Variants in SRGAP2 observed in about 807,000 individuals in gnomAD.
The protein encoded by SRGAP2 is SLIT-ROBO Rho GTPase-activating protein 2.
Under a neutral mutation model 57.2 loss-of-function variants are expected in SRGAP2, and 15 were observed. The observed-to-expected ratio is 0.26, with a 90% CI of 0.18 to 0.40. The LOEUF (loss-of-function observed/expected upper bound fraction) is 0.40, where lower values mean the gene tolerates loss of function less well. Among genes scored for constraint, SRGAP2 ranks in the 10% least tolerant of loss-of-function variants. SRGAP2 has a pLI of 1.00. For synonymous variants in SRGAP2, 249 were observed against 248.0 expected, an observed-to-expected ratio of 1.00 and a Z score of -0.04; for missense variants, 520 against 669.6, an observed-to-expected ratio of 0.78 and a Z score of 2.47.
chr1:206,451,875 C>T (rs904402663), intron 19 of SRGAP2, among the ~76,000 whole-genome samples: 3 of 152,194 alleles, frequency 2.0e-5, no homozygotes, highest in East Asian at 1.9e-4. Context: ...TGACCAGCCT[C>T]CTATAGTGAA....
intron 2 of SRGAP2, among the ~76,000 whole-genome samples, chr1:206,247,135 C>T (rs1327765169): frequency 6.8e-6 from 1 of 146,368 alleles, no homozygotes; most frequent in Admixed American, 6.8e-5. Context: ...CCTATACTTC[C>T]ACCTATAGAG....
rs1571660311 is a variant in SRGAP2 at position 206,244,205 on chromosome 1, A to G, written c.67+38168A>G. 2.2e-5 allele frequency among the ~76,000 whole-genome samples: 2 copies of G among 91,046 alleles called. 1 individual carries two copies. The highest frequency in any genetic ancestry group is 9.7e-4 in the East Asian group (2 of 2,052). The allele number at this position is 91,046 out of a possible 152,430, so 59.7% of individuals were successfully genotyped here. A position where few individuals can be genotyped will look rare whatever the true frequency, so the allele number is the denominator to read the frequency against. ...AACTTTCTTGACTTAGTATAGTATT[A>G]TACATCCAGCCCTTACCCTAAATGC... is the stretch of plus-strand genomic sequence containing the variant. On this transcript the variant is annotated intron_variant, in intron 2 of 22. Transcript: ENST00000573034.
intron 3 of SRGAP2, among the ~76,000 whole-genome samples, chr1:206,317,805 CTT>C (rs1315227858): frequency 2.8e-5 from 4 of 145,450 alleles, no homozygotes; most frequent in African/African-American, 1.1e-4. Flanking sequence ...CTAGCTCCTC[CTT>C]TTATACATCT....
rs77065730 is a variant in SRGAP2, at chr1:206,435,485, G to C, written c.1556-1480G>C. ...GAGATGCTAGTCCAGTCCAACCCCT[G>C]GGGCTGGCACTGATGACACACTTGC... On this transcript the variant is annotated intron_variant, in intron 14 of 22. Coordinates refer to ENST00000573034, the MANE Select transcript of SRGAP2 (RefSeq NM_015326.5). 9.9e-3 allele frequency among the ~76,000 whole-genome samples: 1,511 copies of C among 152,278 alleles called. 33 individuals are homozygous for C. Among genetic ancestry groups the C allele is most frequent in the African/African-American group, 0.035 (1,444 of 41,540 alleles).
intron 10 of SRGAP2, among the ~76,000 whole-genome samples, chr1:206,415,177 G>A (rs1659578781): frequency 6.6e-6 from 1 of 152,196 alleles, no homozygotes; most frequent in Admixed American, 6.5e-5. Flanking sequence ...CTCTCACTGG[G>A]CAGACGAGGG....
In SRGAP2 at chr1:206,417,515, TA is replaced by T. The variant is rs200733619; in HGVS notation, c.1441+1545del. Among the ~76,000 whole-genome samples, 4 of 151,554 alleles carry T rather than the reference TA, an allele frequency of 2.6e-5. No individual in the cohort carries two copies. In the East Asian group the frequency reaches 7.7e-4, roughly 29 times the overall value. On this transcript the variant is annotated intron_variant, in intron 11 of 22. Transcript: ENST00000573034. ...TTATTGCAAACTCCACCTCCCAGGT[TA>T]AAGCAATTCTACCACCTCAGCCTCC...
intron 21 of SRGAP2, among the ~76,000 whole-genome samples, chr1:206,458,092 C>G (rs943151015): frequency 6.6e-6 from 1 of 152,194 alleles, no homozygotes; most frequent in Non-Finnish European, 1.5e-5. Flanking sequence ...AGTGTTGCTG[C>G]CTCTTGAAAA....
chr1:206,270,655 T>C (rs1571730454), intron 2 of SRGAP2, among the ~76,000 whole-genome samples: 1 of 143,772 alleles, frequency 7.0e-6, no homozygotes, highest in South Asian at 2.2e-4. Context: ...ATGCAGCTGG[T>C]AGAAAGAAGG....
intron 15 of SRGAP2, chr1:206,437,650 T>A (rs1312203932): frequency 1.8e-5 from 5 of 270,844 alleles, no homozygotes; most frequent in Non-Finnish European, 2.8e-5. Flanking sequence ...AGTCCCAGCC[T>A]GGTTTCATGA....
At chr1:206,353,418 G>A (rs1158825672) in intron 4 of SRGAP2, among the ~76,000 whole-genome samples, 3 of 151,942 alleles carry the variant, frequency 2.0e-5, no homozygotes, top group Non-Finnish European at 2.9e-5. Flanking sequence ...AGGCCAAGGT[G>A]GGTGGATCAC....
rs1553370633 is a variant in SRGAP2 at position 206,438,003 on chromosome 1, T to C, written c.1673T>C (p.Met558Thr). Reference protein sequence around the residue: ...PLAGDQNDHDMDSIAGVLKLY... With the variant: ...PLAGDQNDHDTDSIAGVLKLY... Reference sequence around the variant, plus strand: ...GCTGGGGACCAGAACGACCATGACATGGATTCCATAGCTGGTGTCCTGAAG... The same window carrying C: ...GCTGGGGACCAGAACGACCATGACACGGATTCCATAGCTGGTGTCCTGAAG... Residue 558 changes from methionine to threonine, a missense_variant, in exon 16 of 23, where the codon ATG becomes ACG. This residue lies in a region of SRGAP2 where 478 missense variants were observed against 373.6 expected (regional missense o/e 1.28). Coordinates refer to ENST00000573034, the MANE Select transcript of SRGAP2 (RefSeq NM_015326.5). The C allele has an allele frequency of 5.1e-6, 4 of 780,894 alleles. No individual in the cohort carries two copies. The highest frequency in any genetic ancestry group is 2.4e-5 in the East Asian group (1 of 41,260). 48.4% of individuals were successfully genotyped at this position (780,894 alleles called of 1,614,324 possible). A position where few individuals can be genotyped will look rare whatever the true frequency, so the allele number is the denominator to read the frequency against.
chr1:206,463,445 A>G lies in SRGAP2; in HGVS notation c.*2025A>G, dbSNP rs1385425984. 1 of 152,610 alleles carries G rather than the reference A, an allele frequency of 6.6e-6. No individual in the cohort carries two copies. 9.5% of individuals were successfully genotyped at this position (152,610 alleles called of 1,614,324 possible). ...AATGAAACCCTATCTTTCACTTTAC[A>G]TTCCTTTCAATCCAACTGATCAAAA... On this transcript the variant is annotated 3_prime_UTR_variant, in exon 23 of 23. Coordinates refer to ENST00000573034, the MANE Select transcript of SRGAP2 (RefSeq NM_015326.5).
chr1:206,419,246 C>T (rs1160730367), intron 11 of SRGAP2, 127 bp from the exon 12 acceptor site: 3 of 683,520 alleles, frequency 4.4e-6, no homozygotes, highest in Admixed American at 2.1e-5. Context: ...TCTCTCCTCT[C>T]TTTTGCCACA....
At chr1:206,278,823 G>A (rs1159774542) in intron 2 of SRGAP2, among the ~76,000 whole-genome samples, 3 of 145,114 alleles carry the variant, frequency 2.1e-5, no homozygotes, top group African/African-American at 5.6e-5. Context: ...AGGCCTTAAG[G>A]TGGAGCCCTA....
In SRGAP2 at chr1:206,464,242, C is replaced by T. The variant is rs1664434608; in HGVS notation, c.*2822C>T. ...AGAGAAGTCACATCTTCCAGGGAAT[C>T]GCAATGTTGTGGCGTCTGACTTGTA... On this transcript the variant is annotated 3_prime_UTR_variant, in exon 23 of 23. Transcript: ENST00000573034. 6.6e-6 allele frequency: 1 copy of T among 152,606 alleles called. No homozygotes were observed. The highest frequency in any genetic ancestry group is 2.4e-5 in the African/African-American group (1 of 41,432). 9.5% of individuals were successfully genotyped at this position (152,606 alleles called of 1,614,324 possible). A position where few individuals can be genotyped will look rare whatever the true frequency, so the allele number is the denominator to read the frequency against.
chr1:206,325,012 TTCCC>T (rs782481569), intron 3 of SRGAP2, among the ~76,000 whole-genome samples: 6 of 146,120 alleles, frequency 4.1e-5, no homozygotes, highest in African/African-American at 5.1e-5. Flanking sequence ...GTTTCCCCGC[TTCCC>T]TCCCTCCCTC....
chr1:206,454,159 G>C lies in SRGAP2; in HGVS notation c.2361-719G>C, dbSNP rs1226798576. The C allele has an allele frequency of 1.4e-6, 1 of 702,418 alleles. No individual in the cohort carries two copies. Among genetic ancestry groups the C allele is most frequent in the African/African-American group, 1.7e-5 (1 of 57,228 alleles). 43.5% of individuals were successfully genotyped at this position (702,418 alleles called of 1,614,324 possible). A position where few individuals can be genotyped will look rare whatever the true frequency, so the allele number is the denominator to read the frequency against. ...TTTTTTAAAGGTTGATATCCTGAGT[G>C]AGTCTGCACCCTCCCAGCCTCTTCC... On this transcript the variant is annotated intron_variant, in intron 20 of 22. Coordinates refer to ENST00000573034, the MANE Select transcript of SRGAP2 (RefSeq NM_015326.5). The surrounding 1 kb of genome is among the most constrained non-coding windows in gnomAD (Gnocchi z 4.3).
intron 2 of SRGAP2, among the ~76,000 whole-genome samples, chr1:206,255,894 G>A (rs539883355): frequency 4.9e-4 from 74 of 150,732 alleles, no homozygotes; most frequent in African/African-American, 1.7e-3. Flanking sequence ...GGGCTCAAGC[G>A]AATTAATCCC....
intron 10 of SRGAP2, among the ~76,000 whole-genome samples, chr1:206,414,897 A>G (rs1374515028): frequency 1.3e-5 from 2 of 152,222 alleles, no homozygotes; most frequent in African/African-American, 4.8e-5. Flanking sequence ...AAGCATTAAT[A>G]CTACAAAATT....
Sources: gnomAD v4.1 joint callset for allele counts (sites outside exome capture counted in the v4.1 genomes callset) on GRCh38, gnomAD v4.1.1 for gene constraint, gnomAD v4.1.1 regional missense constraint, Gnocchi (gnomAD v3.1) non-coding constraint, MANE v1.5 for transcripts, NCBI Gene and HGNC (gene_info 2026-07-23, HGNC 2026-07-21) for gene names.